SCAF8: variants seen among roughly 807,000 people sequenced by gnomAD.
The protein encoded by SCAF8 is SR-related and CTD-associated factor 8.
SCAF8 carries 23 observed loss-of-function variants against 140.5 expected under a neutral mutation model. The observed-to-expected ratio is 0.16, with a 90% CI of 0.12 to 0.23. The LOEUF (loss-of-function observed/expected upper bound fraction) is 0.23. Among genes scored for constraint, SCAF8 ranks in the 10% least tolerant of loss-of-function variants. The probability of loss-of-function intolerance (pLI) is 1.00; values close to 1 mark genes in which losing one functional copy is unlikely to be tolerated. For missense variants in SCAF8, 1,397 were observed against 1,555.7 expected (o/e 0.90, Z 1.72); for synonymous variants, 575 against 528.9 (o/e 1.09, Z -1.20).
intron 6 of SCAF8, among the ~76,000 whole-genome samples, chr6:154,795,611 T>C (rs1160401955): frequency 2.0e-5 from 3 of 152,102 alleles, no homozygotes; most frequent in African/African-American, 7.2e-5. Context: ...AAGTGACATT[T>C]GAATCGAGAC....
chr6:154,758,506 G>A (rs925218010), intron 1 of SCAF8, among the ~76,000 whole-genome samples: 2 of 152,166 alleles, frequency 1.3e-5, no homozygotes, highest in East Asian at 3.9e-4. Context: ...TTTCATGCAG[G>A]CGTAATTCTA....
intron 6 of SCAF8, among the ~76,000 whole-genome samples, chr6:154,800,138 TTCTC>T (rs1202672805): frequency 6.6e-6 from 1 of 151,356 alleles, no homozygotes; most frequent in Admixed American, 6.6e-5. Context: ...TACACTCCCG[TTCTC>T]TCTCGCCTCT....
chr6:154,767,299 G>A (rs1277665948), intron 1 of SCAF8, among the ~76,000 whole-genome samples: 2 of 152,036 alleles, frequency 1.3e-5, no homozygotes, highest in East Asian at 3.9e-4. Flanking sequence ...GCACAAAACA[G>A]TGGAGTTAGT....
chr6:154,802,388 A>G (rs1777797387), intron 7 of SCAF8, among the ~76,000 whole-genome samples: 1 of 152,070 alleles, frequency 6.6e-6, no homozygotes, highest in South Asian at 2.1e-4. Context: ...GGGGGAGCGC[A>G]AGGCAGGCAG....
chr6:154,793,075 G>A, intron 5 of SCAF8, 99 bp downstream of exon 5: 1 of 848,330 alleles, frequency 1.2e-6, no homozygotes. Context: ...AGGAAAATTT[G>A]TCCAGCATTA....
intron 4 of SCAF8, among the ~76,000 whole-genome samples, 199 bp from the exon 5 acceptor site, chr6:154,792,624 A>G (rs994143740): frequency 3.3e-5 from 5 of 152,178 alleles, no homozygotes; most frequent in Non-Finnish European, 7.3e-5. Context: ...TTGTACCTCT[A>G]TCCAAATTAA....
At chr6:154,819,144 A>G (rs1778340918) in intron 14 of SCAF8, among the ~76,000 whole-genome samples, 1 of 152,020 alleles carries the variant, frequency 6.6e-6, no homozygotes, top group African/African-American at 2.4e-5. Flanking sequence ...TGTTATTTGA[A>G]GTTTATTTAT....
At chr6:154,759,823 G>C (rs536437671) in intron 1 of SCAF8, among the ~76,000 whole-genome samples, 1 of 151,784 alleles carries the variant, frequency 6.6e-6, no homozygotes, top group African/African-American at 2.4e-5. Flanking sequence ...CTGCCACCAC[G>C]CCCGGCTAAT....
intron 1 of SCAF8, among the ~76,000 whole-genome samples, chr6:154,735,173 A>G (rs1333880663): frequency 6.6e-6 from 1 of 152,042 alleles, no homozygotes; most frequent in Non-Finnish European, 1.5e-5. Flanking sequence ...TGGTAACTAA[A>G]TTAGCATAAA....
chr6:154,733,872 G>A lies in SCAF8; in HGVS notation c.-29G>A, dbSNP rs1454231336. 1 of 1,543,604 alleles carries A rather than the reference G, an allele frequency of 6.5e-7. No individual in the cohort carries two copies. The highest frequency in any genetic ancestry group is 1.4e-5 in the African/African-American group (1 of 69,844). On this transcript the variant is annotated 5_prime_UTR_variant, in exon 1 of 20. Transcript: ENST00000367178. ...TGCAGTGGCCGCCGCCTCTTCCGCC[G>A]CCGGGCTCGGGGCCTCCGCAGCGAC...
At chr6:154,743,818 G>T (rs1722188642) in intron 1 of SCAF8, among the ~76,000 whole-genome samples, 1 of 152,180 alleles carries the variant, frequency 6.6e-6, no homozygotes, top group Middle Eastern at 3.4e-3. Flanking sequence ...AAATCCTCTG[G>T]AGTAAAAAAA....
At position 154,824,409 on chromosome 6, in the gene SCAF8, CTATTTAGA is replaced by C. The variant is rs762721521; in HGVS notation, c.2071+33_2071+40del. The C allele has an allele frequency of 6.2e-5, 98 of 1,569,816 alleles. No homozygotes were observed. In the African/African-American group the frequency reaches 1.2e-3, roughly 19 times the overall value. ...GAATTTTTGTTTTAATATTTGAACT[CTATTTAGA>C]TTATCATTTAAGTTGTGTTTCTTCC... On this transcript the variant is annotated intron_variant, in intron 17 of 19. Coordinates refer to ENST00000367178, the MANE Select transcript of SCAF8 (RefSeq NM_014892.5).
chr6:154,767,527 ATCTTTTTTTTT>A (rs1776614503), intron 1 of SCAF8, among the ~76,000 whole-genome samples: 1 of 98,142 alleles, frequency 1.0e-5, no homozygotes, highest in African/African-American at 3.8e-5. Flanking sequence ...TGCTTCTGTT[ATCTTTTTTTTT>A]TTTTTTTTTT....
At chr6:154,751,164 C>T (rs537062205) in intron 1 of SCAF8, among the ~76,000 whole-genome samples, 13 of 152,106 alleles carry the variant, frequency 8.5e-5, no homozygotes, top group African/African-American at 2.9e-4. Context: ...ATAGGAAGAG[C>T]TAGTTGTGGT....
chr6:154,832,588 T>C lies in SCAF8; in HGVS notation c.3009T>C (p.Leu1003=), dbSNP rs1281657229. ...CTAACCCAGAAAAAAGGATACCACT[T>C]GGGAATGATAACATTCAACAGGAAG... The part of the protein sequence containing the change: ...NVTNPEKRIP[L]GNDNIQQEGD... The change falls in exon 20 of 20, where the codon CTT becomes CTC. Residue 1003 remains leucine, a synonymous_variant. Transcript: ENST00000367178. The C allele has an allele frequency of 1.2e-6, 2 of 1,614,030 alleles. No homozygotes were observed. The highest frequency in any genetic ancestry group is 1.7e-6 in the Non-Finnish European group (2 of 1,179,972).
chr6:154,767,983 T>C (rs1019760730), intron 1 of SCAF8, among the ~76,000 whole-genome samples: 5 of 152,150 alleles, frequency 3.3e-5, no homozygotes, highest in East Asian at 1.9e-4. Context: ...TTTTCTCTAA[T>C]CATATTAGAG....
intron 1 of SCAF8, among the ~76,000 whole-genome samples, chr6:154,759,226 G>A (rs1286371170): frequency 6.6e-6 from 1 of 152,158 alleles, no homozygotes; most frequent in African/African-American, 2.4e-5. Flanking sequence ...ATCTTGGCTG[G>A]CACTGTAAAG....
rs528289141 is a variant in SCAF8, at chr6:154,747,523, A to T, written c.30+13593A>T. ...AAGACCCTATCTCAAAACAAAACAA[A>T]AAAACCCATATACGTATACATATAC... On this transcript the variant is annotated intron_variant, in intron 1 of 19. Coordinates refer to ENST00000367178, the MANE Select transcript of SCAF8 (RefSeq NM_014892.5). Among the ~76,000 whole-genome samples, 59 of 152,204 alleles carry T rather than the reference A, an allele frequency of 3.9e-4. 1 individual carries two copies. Among genetic ancestry groups the T allele is most frequent in the African/African-American group, 1.4e-3 (58 of 41,528 alleles).
intron 9 of SCAF8, among the ~76,000 whole-genome samples, chr6:154,806,621 T>C (rs1186745687): frequency 2.6e-5 from 4 of 152,174 alleles, no homozygotes; most frequent in Admixed American, 1.3e-4. Flanking sequence ...GGAACAGTTA[T>C]TTTAGATGGA....
Sources: allele counts gnomAD v4.1 joint callset (sites outside exome capture counted in the v4.1 genomes callset), GRCh38; gene constraint gnomAD v4.1.1; transcripts MANE v1.5; gene names NCBI Gene and HGNC (gene_info 2026-07-23, HGNC 2026-07-21).